Variants in RYR1 observed in about 807,000 individuals in gnomAD.
The protein encoded by RYR1 is ryanodine receptor 1, also known as central core disease of muscle.
A neutral mutation model predicts 583.5 loss-of-function variants in RYR1; 342 were observed. The ratio of observed to expected loss-of-function variants is 0.59; its 90% confidence interval spans 0.54 to 0.64. RYR1 has a LOEUF of 0.64. RYR1 is among the 30% of genes least tolerant of loss of function. The pLI is 0.00. For synonymous variants in RYR1, 2,791 were observed against 2,822.5 expected (o/e 0.99, Z 0.35); for missense variants, 6,032 against 6,917.2 (o/e 0.87, Z 4.54).
In RYR1 at chr19:38,534,784, C is replaced by T. The variant is rs1971892835; in HGVS notation, c.11324C>T (p.Ala3775Val). The T allele has an allele frequency of 6.2e-7, 1 of 1,613,708 alleles. No individual in the cohort carries two copies. Among genetic ancestry groups the T allele is most frequent in the Non-Finnish European group, 8.5e-7 (1 of 1,179,924 alleles). ...GCACGGCTGCACACCCGGGGGGCGG[C>T]CGAGATGGTGCTGCAGATGATCAGT... The part of the protein sequence containing the change: ...QQARLHTRGA[A>V]EMVLQMISAC... Residue 3775 changes from alanine to valine, a missense_variant, in exon 79 of 106, where the codon GCC becomes GTC. By Grantham distance (64) the Ala-to-Val change is moderately conservative. Transcript: ENST00000359596.
In RYR1 at chr19:38,434,174, T is replaced by C. The variant is rs919781; in HGVS notation, c.45+300T>C. ...CGAGGGAGCACACCCTCACACCATC[T>C]TGGAAGCAGGCACTTGGGGAAGGTG... On this transcript the variant is annotated intron_variant, in intron 1 of 105. Transcript: ENST00000359596. Among the ~76,000 whole-genome samples the C allele has an allele frequency of 0.83, 126,869 of 152,072 alleles. 52,982 individuals carry two copies. The highest frequency in any genetic ancestry group is 0.86 in the East Asian group (4,424 of 5,152).
chr19:38,464,363 G>A (rs1408458696), intron 22 of RYR1, among the ~76,000 whole-genome samples: 2 of 151,116 alleles, frequency 1.3e-5, no homozygotes, highest in African/African-American at 2.4e-5. Flanking sequence ...AGAAAGAAAA[G>A]GTGGGGATGG....
rs1209764086 is a variant in RYR1, at chr19:38,546,446, A to C, written c.12014A>C (p.Asp4005Ala). Residue 4005 changes from aspartate to alanine, a missense_variant and splice_region_variant, in exon 88 of 106, where the codon GAC becomes GCC. Transcript: ENST00000359596. ...CCCTCACCGAGCTGGGATCTCTAGGACTCAAGCCAGATCGAGCTGCTGAAG... is the reference window on the plus strand; with the variant it reads ...CCCTCACCGAGCTGGGATCTCTAGGCCTCAAGCCAGATCGAGCTGCTGAAG... ...FAHMMMKLAQ[D>A]SSQIELLKEL... The C allele has an allele frequency of 1.9e-6, 3 of 1,613,534 alleles. No homozygotes were observed. The highest frequency in any genetic ancestry group is 2.5e-6 in the Non-Finnish European group (3 of 1,179,862).
At chr19:38,502,433 C>T in intron 47 of RYR1, 74 bp from the exon 48 acceptor site, 1 of 1,404,276 alleles carries the variant, frequency 7.1e-7, no homozygotes, top group Non-Finnish European at 9.8e-7. Flanking sequence ...CCTTTGGCCA[C>T]AGTCGCTCAA....
chr19:38,557,117 G>A (rs1972913443), intron 89 of RYR1, among the ~76,000 whole-genome samples: 1 of 126,656 alleles, frequency 7.9e-6, no homozygotes, highest in Non-Finnish European at 1.6e-5. Flanking sequence ...GCAGTGGCAT[G>A]CTCTCGGCTC....
At position 38,452,906 on chromosome 19, in the gene RYR1, G is replaced by A. The variant is rs1967155667; in HGVS notation, c.1332G>A (p.Leu444=). Residue 444 remains leucine, a synonymous_variant, in exon 13 of 106, where the codon CTG becomes CTA. Transcript: ENST00000359596. ...ALPIEGVILS[L]QDLIIYFEPP... ...CCATCGAGGGCGTTATCCTGAGCCT[G>A]CAGGACCTCATCATCTACTTCGAGC... 1 of 1,613,482 alleles carries A rather than the reference G, an allele frequency of 6.2e-7. No homozygotes were observed. Among genetic ancestry groups the A allele is most frequent in the Admixed American group, 1.7e-5 (1 of 59,938 alleles).
In RYR1 at chr19:38,513,942, A is replaced by C. The variant is rs1354022684; in HGVS notation, c.9473-1084A>C. Among the ~76,000 whole-genome samples, 3 of 152,034 alleles carry C rather than the reference A, an allele frequency of 2.0e-5. No individual in the cohort carries two copies. The East Asian group carries it at 5.8e-4, about 29-fold the overall frequency. On this transcript the variant is annotated intron_variant, in intron 63 of 105. Transcript: ENST00000359596. ...ACGGTATCATTATCATACCTAACCT[A>C]ACCATATTTAAATTTCCCTCATTAC... is the stretch of plus-strand genomic sequence containing the variant.
At chr19:38,502,773 G>T in intron 48 of RYR1, 46 bp downstream of exon 48, 3 of 1,043,072 alleles carry the variant, frequency 2.9e-6, no homozygotes, top group Non-Finnish European at 4.1e-6. Context: ...AGGGGCAGGG[G>T]CAGGGGCAGG....
At chr19:38,439,495 G>A (rs932695652) in intron 1 of RYR1, among the ~76,000 whole-genome samples, 7 of 151,778 alleles carry the variant, frequency 4.6e-5, no homozygotes, top group East Asian at 1.9e-4. Flanking sequence ...CACCGCACCC[G>A]GCTATTTTTG....
intron 97 of RYR1, among the ~76,000 whole-genome samples, chr19:38,576,786 C>T (rs767857176): frequency 2.6e-5 from 4 of 151,952 alleles, no homozygotes; most frequent in Admixed American, 6.6e-5. Context: ...GGTGACAGAG[C>T]GAGACTCCGT....
At chr19:38,506,251 G>A (rs1311546859) in intron 54 of RYR1, 52 bp from the exon 55 acceptor site, 7 of 1,585,500 alleles carry the variant, frequency 4.4e-6, no homozygotes, top group Non-Finnish European at 6.1e-6. Context: ...GGCTGGCCTG[G>A]GCTTCCTGCT....
At chr19:38,507,004 A>C in intron 57 of RYR1, 52 bp downstream of exon 57, 1 of 1,611,294 alleles carries the variant, frequency 6.2e-7, no homozygotes, top group Non-Finnish European at 8.5e-7. Flanking sequence ...CACACCCGGC[A>C]AAGGCTGGAA....
In RYR1 at chr19:38,490,070, C is replaced by T; in HGVS notation, c.5815-6C>T. On this transcript the variant is annotated splice_region_variant and splice_polypyrimidine_tract_variant and intron_variant, in intron 35 of 105. Coordinates refer to ENST00000359596, the MANE Select transcript of RYR1 (RefSeq NM_000540.3). Reference sequence around the variant, plus strand: ...TCTCTCCTCCCACACGGCTGTCCTTCCACAGATGTGCCACCTGCTGGAGTA... The same window carrying T: ...TCTCTCCTCCCACACGGCTGTCCTTTCACAGATGTGCCACCTGCTGGAGTA... 1.2e-6 allele frequency: 2 copies of T among 1,613,804 alleles called. No homozygotes were observed. The highest frequency in any genetic ancestry group is 2.2e-5 in the South Asian group (2 of 91,064).
Position 38,473,730 on chromosome 19 carries a change from G to C in RYR1, c.4119G>C (p.Glu1373Asp). ...AGGEAQPARA[E>D]NEKDATTEKN... ...GAGAGGCGCAGCCCGCCAGGGCGGA[G>C]AATGAGAAGGATGCCACCACCGAGA... The change falls in exon 28 of 106, where the codon GAG becomes GAC. Residue 1373 changes from glutamate (E) to aspartate (D), a missense_variant. By Grantham distance (45) the Glu-to-Asp change is conservative. Transcript: ENST00000359596. 1 of 1,528,140 alleles carries C rather than the reference G, an allele frequency of 6.5e-7. No homozygotes were observed. Among genetic ancestry groups the C allele is most frequent in the Non-Finnish European group, 8.8e-7 (1 of 1,135,270 alleles). The allele number at this position is 1,528,140 out of a possible 1,614,324, so 94.7% of individuals were successfully genotyped here. A position where few individuals can be genotyped will look rare whatever the true frequency, so the allele number is the denominator to read the frequency against.
chr19:38,480,810 TCTTGGCTCACTGCAAC>T (rs923386424), intron 31 of RYR1, among the ~76,000 whole-genome samples: 11 of 151,690 alleles, frequency 7.3e-5, no homozygotes, highest in Admixed American at 3.9e-4. Flanking sequence ...AGTGGCATGG[TCTTGGCTCACTGCAAC>T]CTTCGCCTCC....
Position 38,572,313 on chromosome 19 carries a change from G to A in RYR1, c.13998+43G>A, listed in dbSNP as rs570156523. 116 of 1,561,548 alleles carry A rather than the reference G, an allele frequency of 7.4e-5. No individual in the cohort carries two copies. The highest frequency in any genetic ancestry group is 9.9e-5 in the Non-Finnish European group (113 of 1,146,956). On this transcript the variant is annotated intron_variant, in intron 95 of 105. Coordinates refer to ENST00000359596, the MANE Select transcript of RYR1 (RefSeq NM_000540.3). ...GTTCTGGGGCAAGGGCTTATTGGCTGGGTGGGGGTGGGGGCAGTGCTGGAG... is the reference window on the plus strand; with the variant it reads ...GTTCTGGGGCAAGGGCTTATTGGCTAGGTGGGGGTGGGGGCAGTGCTGGAG...
rs958448991 is a variant in RYR1 at position 38,505,135 on chromosome 19, C to A, written c.8310+54C>A. On this transcript the variant is annotated intron_variant, in intron 52 of 105. Coordinates refer to ENST00000359596, the MANE Select transcript of RYR1 (RefSeq NM_000540.3). ...AACCCTCAAGACCCCAGCTTTCCCC[C>A]CGACCTGGTTCTTCCCTGAGGCCCC... 6 of 1,533,336 alleles carry A rather than the reference C, an allele frequency of 3.9e-6. No homozygotes were observed. In the Admixed American group the frequency reaches 1.0e-4, roughly 26 times the overall value. 95.0% of individuals were successfully genotyped at this position (1,533,336 alleles called of 1,614,324 possible). A position where few individuals can be genotyped will look rare whatever the true frequency, so the allele number is the denominator to read the frequency against.
At position 38,502,751 on chromosome 19, in the gene RYR1, TGGGGCA is replaced by T. The variant is rs71165552; in HGVS notation, c.7836-76_7836-71del. 0.055 allele frequency: 57,108 copies of T among 1,045,176 alleles called. 3,413 individuals carry two copies. Among genetic ancestry groups the T allele is most frequent in the East Asian group, 0.15 (5,252 of 35,212 alleles). 64.7% of individuals were successfully genotyped at this position (1,045,176 alleles called of 1,614,324 possible). A position where few individuals can be genotyped will look rare whatever the true frequency, so the allele number is the denominator to read the frequency against. ...AGGTGGAGCGGGGCAGGCTTCAGGG[TGGGGCA>T]GGGGCAGGGGCAGGGGCAGGGGCAG... On this transcript the variant is annotated intron_variant, in intron 48 of 105. Transcript: ENST00000359596.
chr19:38,540,445 A>G (rs200356809), intron 84 of RYR1, among the ~76,000 whole-genome samples: 1,330 of 110,364 alleles, frequency 0.012, 64 homozygotes, highest in Admixed American at 0.048. Flanking sequence ...ACCTCCAATC[A>G]TATACTACAG....
Sources: allele counts gnomAD v4.1 joint callset (sites outside exome capture counted in the v4.1 genomes callset), GRCh38; gene constraint gnomAD v4.1.1; transcripts MANE v1.5; gene names NCBI Gene and HGNC (gene_info 2026-07-23, HGNC 2026-07-21).